Variants in CNTNAP2 observed in about 807,000 individuals in gnomAD.
The protein encoded by CNTNAP2 is contactin associated protein 2, also known as contactin-associated protein-like 2.
CNTNAP2 carries 98 observed loss-of-function variants against 155.2 expected under a neutral mutation model. That is an observed-to-expected ratio of 0.63 (90% CI 0.54 to 0.75). CNTNAP2 has a LOEUF of 0.75. CNTNAP2 is among the 30% of genes least tolerant of loss of function. CNTNAP2 has a pLI of 0.00. For missense variants in CNTNAP2, 1,727 were observed against 1,688.1 expected, an observed-to-expected ratio of 1.02 and a Z score of -0.40; for synonymous variants, 651 against 631.2, an observed-to-expected ratio of 1.03 and a Z score of -0.47.
At chr7:146,638,380 G>T (rs898581431) in intron 1 of CNTNAP2, among the ~76,000 whole-genome samples, 6 of 150,852 alleles carry the variant, frequency 4.0e-5, no homozygotes, top group African/African-American at 1.5e-4. Flanking sequence ...GCTGGGGCAA[G>T]TATCACTGGA....
At chr7:146,629,119 T>C (rs1264259536) in intron 1 of CNTNAP2, among the ~76,000 whole-genome samples, 1 of 152,170 alleles carries the variant, frequency 6.6e-6, no homozygotes, top group Admixed American at 6.6e-5. Flanking sequence ...AATTCAGAAA[T>C]GTTCTTCCTA....
intron 21 of CNTNAP2, among the ~76,000 whole-genome samples, chr7:148,300,177 G>A (rs945524854): frequency 2.0e-5 from 3 of 152,188 alleles, no homozygotes; most frequent in Admixed American, 2.0e-4. Flanking sequence ...AGGAGATTTT[G>A]TCAAAGAAAA....
chr7:147,129,417 A>C lies in CNTNAP2; in HGVS notation c.1083+581A>C, dbSNP rs75670308. Among the ~76,000 whole-genome samples the C allele has an allele frequency of 2.0e-5, 3 of 152,080 alleles. No individual in the cohort carries two copies. In the East Asian group the frequency reaches 5.8e-4, roughly 30 times the overall value. On this transcript the variant is annotated intron_variant, in intron 7 of 23. Transcript: ENST00000361727. Reference sequence around the variant, plus strand: ...GTGATTTTTTTCTGCCTTTTGTGTGAGTTGGTGCCAGGTTTCATTAGATTT... The same window carrying C: ...GTGATTTTTTTCTGCCTTTTGTGTGCGTTGGTGCCAGGTTTCATTAGATTT...
At chr7:148,205,377 G>A (rs1173713148) in intron 18 of CNTNAP2, among the ~76,000 whole-genome samples, 2 of 152,260 alleles carry the variant, frequency 1.3e-5, no homozygotes, top group Non-Finnish European at 2.9e-5. Flanking sequence ...GCAGCAAACT[G>A]TGAAGTTAGC....
In CNTNAP2 at chr7:146,175,016, T is replaced by C. The variant is rs73737995; in HGVS notation, c.97+58043T>C. ...ACATGGAGCACAAGTTTCACAGATG[T>C]TGTTTGACTCATTCATTCATTCCTT... On this transcript the variant is annotated intron_variant, in intron 1 of 23. Coordinates refer to ENST00000361727, the MANE Select transcript of CNTNAP2 (RefSeq NM_014141.6). Among the ~76,000 whole-genome samples, 885 of 152,270 alleles carry C rather than the reference T, an allele frequency of 5.8e-3. 6 individuals are homozygous for C. Among genetic ancestry groups the C allele is most frequent in the African/African-American group, 0.02 (851 of 41,554 alleles).
intron 1 of CNTNAP2, among the ~76,000 whole-genome samples, chr7:146,348,195 A>T (rs558804162): frequency 6.6e-6 from 1 of 152,236 alleles, no homozygotes; most frequent in East Asian, 1.9e-4. Context: ...CTAGTGGGCG[A>T]GTCACCTGAA....
intron 1 of CNTNAP2, among the ~76,000 whole-genome samples, chr7:146,483,300 T>TAC (rs1797000332): frequency 1.5e-5 from 1 of 66,086 alleles, no homozygotes; most frequent in Non-Finnish European, 2.7e-5. Context: ...TATATATATA[T>TAC]ATATATATAT....
At chr7:147,430,550 C>T (rs1797447959) in intron 10 of CNTNAP2, among the ~76,000 whole-genome samples, 3 of 152,246 alleles carry the variant, frequency 2.0e-5, no homozygotes, top group Middle Eastern at 3.4e-3. Context: ...AAACTAATCC[C>T]CTCAGCAAGT....
At chr7:147,487,001 G>A (rs1251824616) in intron 11 of CNTNAP2, among the ~76,000 whole-genome samples, 3 of 151,610 alleles carry the variant, frequency 2.0e-5, no homozygotes, top group African/African-American at 4.8e-5. Context: ...TAAATCCTCC[G>A]ATTATACAAA....
intron 1 of CNTNAP2, among the ~76,000 whole-genome samples, chr7:146,242,369 C>A (rs1165687176): frequency 6.6e-6 from 1 of 152,000 alleles, no homozygotes; most frequent in African/African-American, 2.4e-5. Flanking sequence ...GAAACCCCGT[C>A]TCTACTAAAA....
rs797005286 is a variant in CNTNAP2, at chr7:146,879,944, A to G, written c.402+40040A>G. On this transcript the variant is annotated intron_variant, in intron 3 of 23. Transcript: ENST00000361727. ...AGGCACATCTTACATGGTGGCAGAC[A>G]AGACAGAACAAGAGCCAAGTGAAAG... Among the ~76,000 whole-genome samples, 6 of 152,048 alleles carry G rather than the reference A, an allele frequency of 3.9e-5. 1 individual carries two copies. The South Asian group carries it at 6.2e-4, about 16-fold the overall frequency.
At chr7:147,148,546 G>A (rs538991906) in intron 8 of CNTNAP2, among the ~76,000 whole-genome samples, 2 of 152,212 alleles carry the variant, frequency 1.3e-5, no homozygotes, top group East Asian at 1.9e-4. Context: ...TTTTGGTCTC[G>A]CTGACTTCGA....
chr7:146,603,663 C>T (rs1448444965), intron 1 of CNTNAP2, among the ~76,000 whole-genome samples: 1 of 151,068 alleles, frequency 6.6e-6, no homozygotes, highest in Non-Finnish European at 1.5e-5. Context: ...CACTACCTGA[C>T]TTCAAACTAT....
chr7:146,886,375 A>G (rs978633585), intron 3 of CNTNAP2, among the ~76,000 whole-genome samples: 1 of 151,928 alleles, frequency 6.6e-6, no homozygotes, highest in African/African-American at 2.4e-5. Context: ...ATTGTTTTTA[A>G]TGTTTAATTC....
intron 3 of CNTNAP2, among the ~76,000 whole-genome samples, chr7:147,040,447 G>A (rs767020050): frequency 2.1e-5 from 3 of 143,088 alleles, no homozygotes; most frequent in Non-Finnish European, 3.0e-5. Flanking sequence ...TGGATTAAGA[G>A]TGAATTTTTT....
chr7:146,885,123 T>C (rs1207862501), intron 3 of CNTNAP2, among the ~76,000 whole-genome samples: 1 of 152,128 alleles, frequency 6.6e-6, no homozygotes, highest in African/African-American at 2.4e-5. Context: ...CAACTAGTTG[T>C]GTGGTTTCTT....
intron 3 of CNTNAP2, among the ~76,000 whole-genome samples, chr7:146,891,493 A>T (rs1409419391): frequency 6.6e-6 from 1 of 152,240 alleles, no homozygotes; most frequent in African/African-American, 2.4e-5. Context: ...TTTTAGGTGA[A>T]AAAAGTCAGA....
At chr7:148,122,515 C>G (rs944453413) in intron 16 of CNTNAP2, among the ~76,000 whole-genome samples, 2 of 152,030 alleles carry the variant, frequency 1.3e-5, no homozygotes, top group Non-Finnish European at 2.9e-5. Context: ...CCGAAGGACC[C>G]AGGAGGGGAC....
At chr7:146,139,020 C>T (rs1314231904) in intron 1 of CNTNAP2, among the ~76,000 whole-genome samples, 1 of 152,080 alleles carries the variant, frequency 6.6e-6, no homozygotes, top group Admixed American at 6.6e-5. Context: ...CATAGCTAAG[C>T]CTCACCTACC....
Sources: gnomAD v4.1 joint callset for allele counts (sites outside exome capture counted in the v4.1 genomes callset) on GRCh38, gnomAD v4.1.1 for gene constraint, MANE v1.5 for transcripts, NCBI Gene and HGNC (gene_info 2026-07-23, HGNC 2026-07-21) for gene names.